Variants in DIAPH3 observed in about 807,000 individuals in gnomAD.
The protein encoded by DIAPH3 is protein diaphanous homolog 3.
Under a neutral mutation model 144.3 loss-of-function variants are expected in DIAPH3, and 117 were observed. That is an observed-to-expected ratio of 0.81 (90% CI 0.70 to 0.95). The LOEUF is 0.95. DIAPH3 is among the 40% of genes least tolerant of loss of function. The pLI is 0.00. For synonymous variants in DIAPH3, 519 were observed against 488.9 expected (o/e 1.06, Z -0.81); for missense variants, 1,421 against 1,412.7 (o/e 1.01, Z -0.09).
intron 14 of DIAPH3, among the ~76,000 whole-genome samples, chr13:59,976,862 A>G (rs2050705124): frequency 6.6e-6 from 1 of 151,878 alleles, no homozygotes; most frequent in South Asian, 2.1e-4. Flanking sequence ...AAACTTTTCA[A>G]GACAGACGAA....
chr13:59,863,712 C>T (rs1006965571), intron 21 of DIAPH3, among the ~76,000 whole-genome samples: 1 of 152,042 alleles, frequency 6.6e-6, no homozygotes, highest in Non-Finnish European at 1.5e-5. Flanking sequence ...TAAAAACAGA[C>T]TGAATATGAA....
At chr13:60,163,504 C>T in intron 1 of DIAPH3, 83 bp downstream of exon 1, 2 of 1,563,654 alleles carry the variant, frequency 1.3e-6, no homozygotes, top group Non-Finnish European at 1.7e-6. Flanking sequence ...AACTTGGTCC[C>T]CAAGTTCTTG....
At chr13:59,812,489 G>A (rs553323125) in intron 24 of DIAPH3, among the ~76,000 whole-genome samples, 8 of 152,198 alleles carry the variant, frequency 5.3e-5, no homozygotes, top group South Asian at 4.2e-4. Flanking sequence ...GGTAGGGTGC[G>A]GCAGGAGGCA....
At chr13:59,987,255 C>T (rs1278194487) in intron 12 of DIAPH3, among the ~76,000 whole-genome samples, 3 of 149,230 alleles carry the variant, frequency 2.0e-5, no homozygotes, top group Non-Finnish European at 4.4e-5. Flanking sequence ...TATTCTCACT[C>T]ATAGGTGGGA....
rs138907872 is a variant in DIAPH3 at position 59,910,110 on chromosome 13, G to A, written c.2367+1625C>T. ...AACCTTGCATGGTATCAGATTTAATGTACATGGAAAATATTTCAAAATTGT... is the reference window on the plus strand; with the variant it reads ...AACCTTGCATGGTATCAGATTTAATATACATGGAAAATATTTCAAAATTGT... On this transcript the variant is annotated intron_variant, in intron 20 of 27. Coordinates refer to ENST00000400324, the MANE Select transcript of DIAPH3 (RefSeq NM_001042517.2). 2.0e-4 allele frequency among the ~76,000 whole-genome samples: 30 copies of A among 151,930 alleles called. No individual in the cohort carries two copies. The East Asian group carries it at 5.4e-3, about 27-fold the overall frequency.
intron 2 of DIAPH3, among the ~76,000 whole-genome samples, chr13:60,116,317 T>C (rs542933614): frequency 3.4e-4 from 51 of 152,170 alleles, no homozygotes; most frequent in Middle Eastern, 3.4e-3. Flanking sequence ...CTCACCACCA[T>C]AAGCGTTTCC....
intron 1 of DIAPH3, among the ~76,000 whole-genome samples, chr13:60,158,906 T>TAAAA (rs71197285): frequency 0.13 from 10,212 of 76,672 alleles, 949 homozygotes; most frequent in Middle Eastern, 0.22. Flanking sequence ...TGGCCCCTCT[T>TAAAA]AAAAAAAAAA....
chr13:60,134,373 G>A (rs1459040495), intron 1 of DIAPH3, among the ~76,000 whole-genome samples: 9 of 152,164 alleles, frequency 5.9e-5, no homozygotes, highest in African/African-American at 1.9e-4. Context: ...TAACAAGTAC[G>A]CACGGTGGTC....
intron 22 of DIAPH3, among the ~76,000 whole-genome samples, chr13:59,843,598 T>C (rs1431607932): frequency 6.6e-6 from 1 of 152,228 alleles, no homozygotes; most frequent in African/African-American, 2.4e-5. Context: ...GTAAGCAAGC[T>C]ATCTTCAAAA....
At chr13:59,840,452 T>A (rs1279909029) in intron 22 of DIAPH3, among the ~76,000 whole-genome samples, 1 of 151,944 alleles carries the variant, frequency 6.6e-6, no homozygotes, top group Non-Finnish European at 1.5e-5. Flanking sequence ...CCCAACAAAA[T>A]GAAACTGAGT....
chr13:59,903,011 T>C (rs1362182195), intron 20 of DIAPH3, among the ~76,000 whole-genome samples: 1 of 152,100 alleles, frequency 6.6e-6, no homozygotes, highest in Non-Finnish European at 1.5e-5. Flanking sequence ...GCAGTAGCAG[T>C]GGATGAATGG....
At chr13:59,803,745 CTGAA>C (rs1471588812) in intron 25 of DIAPH3, among the ~76,000 whole-genome samples, 1 of 152,134 alleles carries the variant, frequency 6.6e-6, no homozygotes, top group Non-Finnish European at 1.5e-5. Flanking sequence ...TGGTTGAACT[CTGAA>C]TGAGTTTTCA....
chr13:59,991,702 C>A (rs1237028315), intron 11 of DIAPH3, among the ~76,000 whole-genome samples: 1 of 152,018 alleles, frequency 6.6e-6, no homozygotes, highest in Admixed American at 6.6e-5. Context: ...GATTAACATG[C>A]GACCCATGAG....
intron 24 of DIAPH3, among the ~76,000 whole-genome samples, chr13:59,815,099 T>A (rs937128886): frequency 1.2e-4 from 18 of 152,238 alleles, no homozygotes; most frequent in South Asian, 2.1e-4. Context: ...ATTGTTGGAA[T>A]CAACATTTTT....
intron 3 of DIAPH3, among the ~76,000 whole-genome samples, chr13:60,110,690 A>G (rs1207867115): frequency 6.6e-6 from 1 of 152,174 alleles, no homozygotes; most frequent in Non-Finnish European, 1.5e-5. Context: ...GAAGGCAACA[A>G]TTTCATTTTA....
chr13:59,774,491 G>A (rs2038290974), intron 26 of DIAPH3, among the ~76,000 whole-genome samples: 1 of 152,154 alleles, frequency 6.6e-6, no homozygotes, highest in Non-Finnish European at 1.5e-5. Flanking sequence ...ACACTAATTA[G>A]GATTTTCTAG....
intron 27 of DIAPH3, among the ~76,000 whole-genome samples, chr13:59,718,572 G>A (rs1449291106): frequency 2.6e-5 from 4 of 152,124 alleles, no homozygotes; most frequent in East Asian, 3.8e-4. Flanking sequence ...AAGGTAGAAA[G>A]GGGACCCCCA....
chr13:59,796,520 G>A (rs2039613201), intron 25 of DIAPH3, among the ~76,000 whole-genome samples: 2 of 152,150 alleles, frequency 1.3e-5, no homozygotes, highest in Admixed American at 6.5e-5. Context: ...AATATATTAA[G>A]TACCTTCCAT....
Position 59,983,804 on chromosome 13 carries a change from C to G in DIAPH3, c.1445G>C (p.Arg482Pro). Residue 482 changes from arginine (R) to proline (P), a missense_variant, in exon 13 of 28, where the codon CGA becomes CCA. Transcript: ENST00000400324. ...RDGMDPDFTY[R>P]KRLDLDLTQF... ...GGTTAAATCTAAATCTAGTCTTTTT[C>G]GATATGTGAAGTCTGGATCCATTCC... 6.2e-7 allele frequency: 1 copy of G among 1,608,592 alleles called. No individual in the cohort carries two copies. The highest frequency in any genetic ancestry group is 8.5e-7 in the Non-Finnish European group (1 of 1,176,216).
Sources: gnomAD v4.1 joint callset for allele counts (sites outside exome capture counted in the v4.1 genomes callset) on GRCh38, gnomAD v4.1.1 for gene constraint, MANE v1.5 for transcripts, NCBI Gene and HGNC (gene_info 2026-07-23, HGNC 2026-07-21) for gene names.